CALD1: variants seen among roughly 807,000 people sequenced by gnomAD.
The protein encoded by CALD1 is caldesmon.
Under a neutral mutation model 99.9 loss-of-function variants are expected in CALD1, and 33 were observed. The observed-to-expected ratio is 0.33, with a 90% CI of 0.25 to 0.44. The LOEUF (loss-of-function observed/expected upper bound fraction) is 0.44. Ranked by LOEUF, CALD1 falls within the 20% of genes least tolerant of loss-of-function variation. CALD1 has a pLI of 1.00. For synonymous variants in CALD1, 310 were observed against 325.0 expected (o/e 0.95, Z 0.50); for missense variants, 861 against 962.1 (o/e 0.89, Z 1.39).
intron 3 of CALD1, among the ~76,000 whole-genome samples, chr7:134,914,845 T>G (rs1421419489): frequency 6.6e-6 from 1 of 152,204 alleles, no homozygotes; most frequent in Non-Finnish European, 1.5e-5. Flanking sequence ...TCCTCTAAAC[T>G]TTAAATCACT....
chr7:134,837,622 C>T (rs1174999738), intron 1 of CALD1, among the ~76,000 whole-genome samples: 1 of 152,196 alleles, frequency 6.6e-6, no homozygotes, highest in African/African-American at 2.4e-5. Context: ...GCTGGGATTA[C>T]AGGCGTGAGC....
chr7:134,903,352 G>A (rs1409423784), intron 3 of CALD1, among the ~76,000 whole-genome samples: 2 of 152,118 alleles, frequency 1.3e-5, no homozygotes, highest in East Asian at 1.9e-4. Context: ...TACTACACTT[G>A]TGAGGGATGT....
At chr7:134,915,309 A>T (rs1200192246) in intron 3 of CALD1, among the ~76,000 whole-genome samples, 1 of 152,218 alleles carries the variant, frequency 6.6e-6, no homozygotes, top group African/African-American at 2.4e-5. Context: ...AGGGAGAGGA[A>T]TGTATACCAG....
chr7:134,817,398 C>T (rs1214911748), intron 1 of CALD1, among the ~76,000 whole-genome samples: 1 of 152,064 alleles, frequency 6.6e-6, no homozygotes, highest in East Asian at 1.9e-4. Flanking sequence ...GTCCCAGGTA[C>T]CCAGTTTTCC....
chr7:134,947,387 G>C, intron 7 of CALD1, 121 bp from the exon 8 acceptor site: 1 of 999,726 alleles, frequency 1.0e-6, no homozygotes, highest in Non-Finnish European at 1.4e-6. Context: ...TACCCCCTGG[G>C]CTAATGAGAG....
chr7:134,822,865 G>C (rs939178711), intron 1 of CALD1, among the ~76,000 whole-genome samples: 17 of 152,126 alleles, frequency 1.1e-4, no homozygotes, highest in African/African-American at 3.9e-4. Flanking sequence ...TCCCTGGCTA[G>C]ATCATGTGTT....
chr7:134,724,766 G>A, the CALD1 span, among the ~76,000 whole-genome samples: 1 of 152,156 alleles, frequency 6.6e-6, no homozygotes, highest in Non-Finnish European at 1.5e-5. Context: ...AGTGAATTTA[G>A]AACAATCCAG....
At chr7:134,850,705 A>G (rs1359782754) in intron 2 of CALD1, among the ~76,000 whole-genome samples, 1 of 152,182 alleles carries the variant, frequency 6.6e-6, no homozygotes, top group Non-Finnish European at 1.5e-5. Flanking sequence ...ACAGCAACCC[A>G]GGGCCCATGC....
chr7:134,844,620 G>C (rs1188287727), intron 2 of CALD1, among the ~76,000 whole-genome samples: 1 of 152,208 alleles, frequency 6.6e-6, no homozygotes. Context: ...TTGCCCCCAT[G>C]CAAGTTTTCT....
chr7:134,915,094 C>T (rs1016290691), intron 3 of CALD1, among the ~76,000 whole-genome samples: 2 of 152,208 alleles, frequency 1.3e-5, no homozygotes, highest in Non-Finnish European at 2.9e-5. Context: ...ATCCCACAAC[C>T]GCAAGTTCAG....
At chr7:134,898,333 T>C (rs1432704209) in intron 3 of CALD1, among the ~76,000 whole-genome samples, 1 of 152,228 alleles carries the variant, frequency 6.6e-6, no homozygotes, top group Non-Finnish European at 1.5e-5. Context: ...TCCAAGTTAT[T>C]ATTAAACAGT....
At chr7:134,798,117 C>T (rs1407769168) in intron 1 of CALD1, among the ~76,000 whole-genome samples, 1 of 152,112 alleles carries the variant, frequency 6.6e-6, no homozygotes, top group Non-Finnish European at 1.5e-5. Context: ...CTTTAAGCCC[C>T]TTAAAATAGA....
At chr7:134,772,115 G>C (rs1246036781) in intron 1 of CALD1, among the ~76,000 whole-genome samples, 5 of 128,878 alleles carry the variant, frequency 3.9e-5, no homozygotes, top group African/African-American at 1.5e-4. Context: ...TTTTTTTTGA[G>C]ACAGGGTCTC....
chr7:134,882,424 A>G (rs1383751196), intron 3 of CALD1, among the ~76,000 whole-genome samples: 1 of 152,172 alleles, frequency 6.6e-6, no homozygotes, highest in African/African-American at 2.4e-5. Flanking sequence ...TGCATTGTGG[A>G]GGCAAATGAT....
At chr7:134,932,776 A>C (rs1286804233) in intron 4 of CALD1, among the ~76,000 whole-genome samples, 2 of 152,212 alleles carry the variant, frequency 1.3e-5, no homozygotes, top group Non-Finnish European at 2.9e-5. Context: ...CACTTCTGGC[A>C]TGTTGAGTAG....
intron 2 of CALD1, among the ~76,000 whole-genome samples, chr7:134,864,029 C>T (rs1800682444): frequency 6.6e-6 from 1 of 152,150 alleles, no homozygotes; most frequent in African/African-American, 2.4e-5. Context: ...TGCCAATCCC[C>T]TGGGCCGCAG....
rs1418252278 is a variant in CALD1, at chr7:134,933,289, A to G, written c.520A>G (p.Lys174Glu). 4 of 1,606,220 alleles carry G rather than the reference A, an allele frequency of 2.5e-6. No homozygotes were observed. The highest frequency in any genetic ancestry group is 1.7e-5 in the Admixed American group (1 of 59,496). The change falls in exon 5 of 15, where the codon AAG becomes GAG. Residue 174 changes from lysine to glutamate, a missense_variant. This residue lies in a region of CALD1 where 234 missense variants were observed against 233.1 expected (regional missense o/e 1.00). Transcript: ENST00000361675. ...AGAAACAGTCACCAAGTCCTACCAGAAGAATGATTGGAGGGATGCTGAAGA... is the reference window on the plus strand; with the variant it reads ...AGAAACAGTCACCAAGTCCTACCAGGAGAATGATTGGAGGGATGCTGAAGA... ...ETETVTKSYQ[K>E]NDWRDAEENK...
chr7:134,741,788 G>A (rs1432345299), upstream of CALD1, among the ~76,000 whole-genome samples: 1 of 152,064 alleles, frequency 6.6e-6, no homozygotes, highest in African/African-American at 2.4e-5. Context: ...AAATTGCCTT[G>A]TGAATTAAAC....
chr7:134,840,912 A>C (rs975091736), intron 1 of CALD1, among the ~76,000 whole-genome samples: 6 of 152,170 alleles, frequency 3.9e-5, no homozygotes, highest in Middle Eastern at 3.2e-3. Context: ...GTAATATATT[A>C]TAATTTCTCT....
Sources: allele counts gnomAD v4.1 joint callset (sites outside exome capture counted in the v4.1 genomes callset), GRCh38; gene constraint gnomAD v4.1.1; regional missense constraint gnomAD v4.1.1; transcripts MANE v1.5; gene names NCBI Gene and HGNC (gene_info 2026-07-23, HGNC 2026-07-21).